JAK1: variants seen among roughly 807,000 people sequenced by gnomAD.
JAK1 encodes tyrosine-protein kinase JAK1.
A neutral mutation model predicts 136.6 loss-of-function variants in JAK1; 16 were observed. That is an observed-to-expected ratio of 0.12 (90% CI 0.08 to 0.18). JAK1 has a LOEUF of 0.18. Among genes scored for constraint, JAK1 ranks in the 10% least tolerant of loss-of-function variants. The pLI, the probability that JAK1 is intolerant of heterozygous loss-of-function variation, is 1.00. For synonymous variants in JAK1, 492 were observed against 519.5 expected, an observed-to-expected ratio of 0.95 and a Z score of 0.72; for missense variants, 859 against 1,450.1, an observed-to-expected ratio of 0.59 and a Z score of 6.62.
At chr1:64,891,178 C>T (rs1644930268) in intron 1 of JAK1, among the ~76,000 whole-genome samples, 2 of 152,070 alleles carry the variant, frequency 1.3e-5, no homozygotes, top group African/African-American at 4.8e-5. Flanking sequence ...ATTTCAATAT[C>T]TTGAGCCTGG....
chr1:64,892,283 T>C (rs1233501299), intron 1 of JAK1, among the ~76,000 whole-genome samples: 2 of 151,934 alleles, frequency 1.3e-5, no homozygotes, highest in Non-Finnish European at 2.9e-5. Flanking sequence ...ATGTGCTTTT[T>C]TGGGGGGGAT....
intron 2 of JAK1, among the ~76,000 whole-genome samples, chr1:65,037,634 A>G (rs968056257): frequency 6.6e-6 from 1 of 152,168 alleles, no homozygotes; most frequent in Non-Finnish European, 1.5e-5. Flanking sequence ...GTACCCAGGT[A>G]GGAAGATCGC....
At chr1:64,979,433 A>G (rs1206713555) in intron 2 of JAK1, 3 of 152,192 alleles carry the variant, frequency 2.0e-5, no homozygotes, top group African/African-American at 4.8e-5. Flanking sequence ...AAAAATAGAA[A>G]AGAATTAGAT....
chr1:65,019,915 CA>C (rs1276424824), intron 2 of JAK1, among the ~76,000 whole-genome samples: 18 of 131,090 alleles, frequency 1.4e-4, no homozygotes, highest in Admixed American at 3.1e-4. Flanking sequence ...GACTCTGTCT[CA>C]AAAAAAAAAG....
intron 2 of JAK1, chr1:64,991,983 A>C (rs1305988500): frequency 6.6e-6 from 1 of 152,232 alleles, no homozygotes; most frequent in Non-Finnish European, 1.5e-5. Flanking sequence ...AAGACTTAGT[A>C]TTGTTAAGAT....
intron 1 of JAK1, among the ~76,000 whole-genome samples, chr1:64,934,405 G>GC (rs1569603950): frequency 1.3e-5 from 2 of 152,330 alleles, no homozygotes; most frequent in East Asian, 3.9e-4. Flanking sequence ...GCAGTGAAGA[G>GC]CAGGGTCGTT....
In JAK1 at chr1:64,941,655, C is replaced by T. The variant is rs547041980; in HGVS notation, c.-78+24678G>A. Among the ~76,000 whole-genome samples, 16 of 152,300 alleles carry T rather than the reference C, an allele frequency of 1.1e-4. No individual in the cohort carries two copies. The South Asian group carries it at 2.5e-3, about 24-fold the overall frequency. On this transcript the variant is annotated intron_variant, in intron 1 of 24. Coordinates refer to ENST00000342505, the MANE Select transcript of JAK1 (RefSeq NM_002227.4). ...GATGTTACATTCAAACTCCCACAAA[C>T]GGCCTACATTTTGAAAATGAAGAAA...
At chr1:64,976,565 TG>T (rs1455475018) in intron 2 of JAK1, among the ~76,000 whole-genome samples, 1 of 152,206 alleles carries the variant, frequency 6.6e-6, no homozygotes, top group Non-Finnish European at 1.5e-5. Context: ...AGCTCAGCTC[TG>T]GGATCACTCT....
Position 64,907,802 on chromosome 1 carries a change from T to C in JAK1, c.-77-21461A>G, listed in dbSNP as rs550152324. Among the ~76,000 whole-genome samples, 4 of 152,226 alleles carry C rather than the reference T, an allele frequency of 2.6e-5. No homozygotes were observed. The East Asian group carries it at 5.8e-4, about 22-fold the overall frequency. ...ACACAGAAGTTACCTCCAAGTGTAA[T>C]AAAACACATACTACTGAAACGCACA... On this transcript the variant is annotated intron_variant, in intron 1 of 24. Coordinates refer to ENST00000342505, the MANE Select transcript of JAK1 (RefSeq NM_002227.4).
In JAK1 at chr1:64,839,653, T is replaced by C. The variant is rs1328417891; in HGVS notation, c.2792A>G (p.Asn931Ser). The change falls in exon 20 of 25, where the codon AAC becomes AGC. Residue 931 changes from asparagine (N) to serine (S), a missense_variant. By Grantham distance (46) the Asn-to-Ser change is conservative. Around this residue, in one of 4 missense-constraint regions of JAK1, gnomAD observed 409 missense variants for 753.8 expected, o/e 0.54. Transcript: ENST00000342505. ...DLKKEIEILR[N>S]LYHENIVKYK... is the part of the protein sequence containing the mutation. ...CTTCACAATGTTCTCATGATAGAGG[T>C]TCCTTAAGATCTCGATTTCCTTTTT... The C allele has an allele frequency of 6.2e-7, 1 of 1,614,044 alleles. No individual in the cohort carries two copies. The highest frequency in any genetic ancestry group is 1.3e-5 in the African/African-American group (1 of 74,922).
chr1:64,866,937 C>A lies in JAK1; in HGVS notation c.919G>T (p.Gly307Cys), dbSNP rs373142876. Residue 307 changes from glycine (G) to cysteine (C), a missense_variant, in exon 7 of 25, where the codon GGT (glycine) becomes TGT (cysteine). Physicochemically the swap from Gly to Cys is radical, Grantham distance 159 (BLOSUM62 -3). Around this residue, in one of 4 missense-constraint regions of JAK1, gnomAD observed 353 missense variants for 494.0 expected, o/e 0.71. Transcript: ENST00000342505. ...NEMNWFHSND[G>C]GNVLYYEVMV... ...ACTTCGTAGTAGAGAACGTTTCCAC[C>A]GTCATTCGAATGAAACCAATTCATC... The A allele has an allele frequency of 1.2e-6, 2 of 1,614,180 alleles. No homozygotes were observed. The highest frequency in any genetic ancestry group is 1.7e-6 in the Non-Finnish European group (2 of 1,180,018).
At chr1:64,954,507 T>C (rs7553101) in intron 1 of JAK1, among the ~76,000 whole-genome samples, 37,209 of 152,092 alleles carry the variant, frequency 0.24, 6,478 homozygotes, top group African/African-American at 0.48. Context: ...GCTTTGCTCG[T>C]TTTCCACCAA....
At chr1:64,850,684 C>T (rs1042750215) in intron 12 of JAK1, 120 bp downstream of exon 12, 16 of 694,662 alleles carry the variant, frequency 2.3e-5, no homozygotes, top group South Asian at 2.0e-4. Context: ...AGGAAAGTCT[C>T]CCTGTTCTTT....
At chr1:64,838,704 A>G (rs1013334600) in intron 20 of JAK1, 115 bp from the exon 21 acceptor site, 18 of 954,312 alleles carry the variant, frequency 1.9e-5, no homozygotes, top group Non-Finnish European at 2.7e-5. Flanking sequence ...TCGCCCCTTC[A>G]TTACAGGCAT....
chr1:64,980,566 T>A (rs910634580), intron 2 of JAK1, among the ~76,000 whole-genome samples: 5 of 151,030 alleles, frequency 3.3e-5, no homozygotes, highest in Admixed American at 6.6e-5. Context: ...TTTTTTTTTT[T>A]AAACTCTTTT....
chr1:65,011,381 C>T (rs1019774864), intron 2 of JAK1, among the ~76,000 whole-genome samples: 25 of 152,004 alleles, frequency 1.6e-4, no homozygotes, highest in Non-Finnish European at 2.6e-4. Flanking sequence ...GAGGCTGAGG[C>T]AGGAGGATCA....
At chr1:64,985,201 C>T in intron 2 of JAK1, 1 of 1,561,696 alleles carries the variant, frequency 6.4e-7, no homozygotes, top group Non-Finnish European at 8.8e-7. Context: ...TGAACACCTG[C>T]ACCCTTAAAG....
In JAK1 at chr1:64,844,292, A is replaced by G; in HGVS notation, c.2252-77T>C. 1.3e-6 allele frequency: 2 copies of G among 1,562,692 alleles called. No individual in the cohort carries two copies. The highest frequency in any genetic ancestry group is 1.8e-6 in the Non-Finnish European group (2 of 1,134,884). Reference sequence around the variant, plus strand: ...TTCAATTACTGTCACTGCAGCCAGAACAGTGAGCCAATGAAGGAACTACTT... The same window carrying G: ...TTCAATTACTGTCACTGCAGCCAGAGCAGTGAGCCAATGAAGGAACTACTT... On this transcript the variant is annotated intron_variant, in intron 16 of 24. Coordinates refer to ENST00000342505, the MANE Select transcript of JAK1 (RefSeq NM_002227.4). This position sits in a 1 kb window ranked among gnomAD's most constrained non-coding sequence, Gnocchi z 5.7.
At chr1:64,901,396 C>T (rs933261138) in intron 1 of JAK1, among the ~76,000 whole-genome samples, 1 of 152,160 alleles carries the variant, frequency 6.6e-6, no homozygotes, top group African/African-American at 2.4e-5. Flanking sequence ...ATGGTACCCA[C>T]GAAGAAGCCC....
Sources: allele counts gnomAD v4.1 joint callset (sites outside exome capture counted in the v4.1 genomes callset), GRCh38; gene constraint gnomAD v4.1.1; regional missense constraint gnomAD v4.1.1; non-coding constraint Gnocchi (gnomAD v3.1); transcripts MANE v1.5; gene names NCBI Gene and HGNC (gene_info 2026-07-23, HGNC 2026-07-21).